ALOX5: variants seen among roughly 807,000 people sequenced by gnomAD.
ALOX5 encodes the protein arachidonate 5-lipoxygenase.
A neutral mutation model predicts 87.9 loss-of-function variants in ALOX5; 64 were observed. The observed-to-expected ratio is 0.73, with a 90% CI of 0.60 to 0.90. The LOEUF (loss-of-function observed/expected upper bound fraction) is 0.90, where lower values mean the gene tolerates loss of function less well. ALOX5 is among the 40% of genes least tolerant of loss of function. The pLI, the probability that ALOX5 is intolerant of heterozygous loss-of-function variation, is 0.00. For synonymous variants in ALOX5, 388 were observed against 355.1 expected (o/e 1.09, Z -1.04); for missense variants, 822 against 907.5 (o/e 0.91, Z 1.21).
intron 4 of ALOX5, among the ~76,000 whole-genome samples, chr10:45,421,573 C>T (rs1841509954): frequency 1.3e-5 from 2 of 152,216 alleles, no homozygotes; most frequent in South Asian, 4.1e-4. Context: ...TAGCCCAGAA[C>T]ACTCAGCTGA....
rs1345636719 is a variant in ALOX5 at position 45,425,413 on chromosome 10, C to T, written c.834+281C>T. 6.6e-6 allele frequency among the ~76,000 whole-genome samples: 1 copy of T among 152,206 alleles called. No homozygotes were observed. The highest frequency in any genetic ancestry group is 1.5e-5 in the Non-Finnish European group (1 of 68,036). The stretch of plus-strand genomic sequence containing the variant: ...TTTTCACTATCAGTATCAATAATTA[C>T]AGGAGCTACCCTTGATTAGGGGCCT... On this transcript the variant is annotated intron_variant, in intron 6 of 13. Coordinates refer to ENST00000374391, the MANE Select transcript of ALOX5 (RefSeq NM_000698.5). The surrounding 1 kb of genome is among the most constrained non-coding windows in gnomAD (Gnocchi z 4.4).
At chr10:45,432,653 A>G (rs1035996594) in intron 7 of ALOX5, among the ~76,000 whole-genome samples, 1 of 152,238 alleles carries the variant, frequency 6.6e-6, no homozygotes, top group Non-Finnish European at 1.5e-5. Flanking sequence ...AAATCTCATC[A>G]TGTAGAGGAG....
chr10:45,441,428 A>G lies in ALOX5; in HGVS notation c.1270A>G (p.Lys424Glu). The G allele has an allele frequency of 5.0e-6, 8 of 1,613,022 alleles. No individual in the cohort carries two copies. The highest frequency in any genetic ancestry group is 6.8e-6 in the Non-Finnish European group (8 of 1,179,256). ...QLICECGLFDKANATGGGGHV... is the reference protein window; with the variant it reads ...QLICECGLFDEANATGGGGHV... Reference sequence around the variant, plus strand: ...CATCTGCGAGTGTGGCCTCTTTGACAAGGTGGGTGCCCTCCTACCCTACTT... The same window carrying G: ...CATCTGCGAGTGTGGCCTCTTTGACGAGGTGGGTGCCCTCCTACCCTACTT... The change falls in exon 9 of 14, where the codon AAG (lysine) becomes GAG (glutamate). Residue 424 changes from lysine (K) to glutamate (E), a missense_variant and splice_region_variant. Lys to Glu is a moderately conservative substitution (Grantham distance 56). Transcript: ENST00000374391.
intron 1 of ALOX5, among the ~76,000 whole-genome samples, chr10:45,379,964 G>T (rs1839770412): frequency 6.6e-6 from 1 of 152,108 alleles, no homozygotes; most frequent in Admixed American, 6.5e-5. Context: ...TGCAGCTAAG[G>T]CCTCTGTAAA....
intron 7 of ALOX5, among the ~76,000 whole-genome samples, chr10:45,430,230 C>G (rs1014214143): frequency 1.2e-4 from 18 of 152,162 alleles, no homozygotes; most frequent in African/African-American, 4.1e-4. Flanking sequence ...CAGCCACTTG[C>G]TAGCAGGCTG....
intron 1 of ALOX5, among the ~76,000 whole-genome samples, chr10:45,379,919 G>T (rs905925321): frequency 6.6e-6 from 1 of 152,094 alleles, no homozygotes; most frequent in Admixed American, 6.5e-5. Context: ...CCCACTCCTC[G>T]GTGGGATCAG....
intron 3 of ALOX5, among the ~76,000 whole-genome samples, chr10:45,409,507 CTG>C (rs1331228877): frequency 3.4e-5 from 4 of 118,534 alleles, no homozygotes; most frequent in South Asian, 5.9e-4. Flanking sequence ...CTCTGTCTGT[CTG>C]TCTCTCTCTC....
At chr10:45,382,933 G>A (rs192726371) in intron 2 of ALOX5, among the ~76,000 whole-genome samples, 81 of 152,368 alleles carry the variant, frequency 5.3e-4, no homozygotes, top group African/African-American at 1.9e-3. Flanking sequence ...CAGTTCTACA[G>A]GGGAGGGTTG....
intron 2 of ALOX5, among the ~76,000 whole-genome samples, chr10:45,394,004 G>T (rs1301981500): frequency 6.6e-6 from 1 of 152,130 alleles, no homozygotes; most frequent in South Asian, 2.1e-4. Flanking sequence ...TAGGAAGAAT[G>T]AATATCATAA....
chr10:45,434,013 T>C (rs1260188131), intron 7 of ALOX5, among the ~76,000 whole-genome samples: 1 of 152,234 alleles, frequency 6.6e-6, no homozygotes, highest in East Asian at 1.9e-4. Context: ...GCTGTTGTTT[T>C]AGGCTGCTGT....
chr10:45,399,751 C>T (rs12241545), intron 3 of ALOX5, among the ~76,000 whole-genome samples: 1,723 of 152,276 alleles, frequency 0.011, 33 homozygotes, highest in African/African-American at 0.039. Context: ...TGATAAGGGA[C>T]TTGTATCCAG....
At chr10:45,435,015 A>G (rs143111086) in intron 7 of ALOX5, among the ~76,000 whole-genome samples, 58 of 152,370 alleles carry the variant, frequency 3.8e-4, no homozygotes, top group African/African-American at 1.3e-3. Context: ...AAACAAATTT[A>G]AGAAACACAA....
intron 8 of ALOX5, among the ~76,000 whole-genome samples, chr10:45,440,950 CCT>C (rs1366025843): frequency 1.3e-5 from 2 of 152,210 alleles, no homozygotes; most frequent in African/African-American, 2.4e-5. Context: ...ACTCTCCGTC[CCT>C]GTTCTCGAAT....
At chr10:45,432,486 A>G (rs1284933764) in intron 7 of ALOX5, among the ~76,000 whole-genome samples, 1 of 152,192 alleles carries the variant, frequency 6.6e-6, no homozygotes, top group Non-Finnish European at 1.5e-5. Context: ...ATAGAGTAAG[A>G]TCCAGAAATG....
chr10:45,406,497 T>C (rs765086953), intron 3 of ALOX5, among the ~76,000 whole-genome samples: 5 of 152,226 alleles, frequency 3.3e-5, no homozygotes, highest in African/African-American at 7.2e-5. Flanking sequence ...ATTCAGTCTT[T>C]CCATCCAGGA....
At chr10:45,443,872 C>G (rs199821466) in intron 12 of ALOX5, 44 bp downstream of exon 12, 53 of 1,546,736 alleles carry the variant, frequency 3.4e-5, no homozygotes, top group Non-Finnish European at 4.6e-5. Context: ...CTTCTCAAGG[C>G]CGCTGCCTCC....
At chr10:45,434,664 T>C (rs756866052) in intron 7 of ALOX5, among the ~76,000 whole-genome samples, 1 of 152,208 alleles carries the variant, frequency 6.6e-6, no homozygotes, top group Non-Finnish European at 1.5e-5. Context: ...GTAAAATGAA[T>C]GCAAGGATGC....
intron 1 of ALOX5, among the ~76,000 whole-genome samples, chr10:45,378,232 A>T (rs1839699950): frequency 6.6e-6 from 1 of 151,376 alleles, no homozygotes; most frequent in Non-Finnish European, 1.5e-5. Context: ...GCCCCTTTAC[A>T]CTCCATCCAG....
At chr10:45,395,029 T>C (rs375918762) in intron 2 of ALOX5, among the ~76,000 whole-genome samples, 1 of 152,196 alleles carries the variant, frequency 6.6e-6, no homozygotes, top group African/African-American at 2.4e-5. Context: ...TAGTTCAACC[T>C]TTGTGGAAGA....
Sources: allele counts gnomAD v4.1 joint callset (sites outside exome capture counted in the v4.1 genomes callset), GRCh38; gene constraint gnomAD v4.1.1; non-coding constraint Gnocchi (gnomAD v3.1); transcripts MANE v1.5; gene names NCBI Gene and HGNC (gene_info 2026-07-23, HGNC 2026-07-21).